MECOM: variants seen among roughly 807,000 people sequenced by gnomAD.
The protein encoded by MECOM is histone-lysine N-methyltransferase MECOM.
MECOM carries 13 observed loss-of-function variants against 116.3 expected under a neutral mutation model. The ratio of observed to expected loss-of-function variants is 0.11; its 90% confidence interval spans 0.07 to 0.18. The LOEUF (loss-of-function observed/expected upper bound fraction) is 0.18, where lower values mean the gene tolerates loss of function less well. Among genes scored for constraint, MECOM ranks in the 10% least tolerant of loss-of-function variants. The pLI is 1.00. For missense variants in MECOM, 1,299 were observed against 1,509.0 expected, an observed-to-expected ratio of 0.86 and a Z score of 2.31; for synonymous variants, 528 against 535.2, an observed-to-expected ratio of 0.99 and a Z score of 0.19.
chr3:169,481,195 A>G (rs574586324), intron 1 of MECOM, among the ~76,000 whole-genome samples: 33 of 152,358 alleles, frequency 2.2e-4, no homozygotes, highest in Non-Finnish European at 4.0e-4. Flanking sequence ...GGTCATGGAC[A>G]TTAGCCAATT....
chr3:169,659,072 CAAAAAAAAAA>C (rs199570807), intron 1 of MECOM, among the ~76,000 whole-genome samples: 23 of 83,558 alleles, frequency 2.8e-4, no homozygotes, highest in Admixed American at 2.7e-4. Flanking sequence ...CCTTCAACTC[CAAAAAAAAAA>C]AAAAAAAAAG....
intron 2 of MECOM, among the ~76,000 whole-genome samples, chr3:169,151,430 C>T (rs529507952): frequency 6.6e-6 from 1 of 152,218 alleles, no homozygotes; most frequent in East Asian, 1.9e-4. Context: ...TCCCTTAATT[C>T]TGCAGCTTTG....
rs1560317735 is a variant in MECOM, at chr3:169,472,515, AAGGAAAGAAAAG to A, written c.38-91003_38-90992del. On this transcript the variant is annotated intron_variant, in intron 1 of 16. Transcript: ENST00000651503. ...AAGGAAAGGAAAGGAAAGGAAAGGA[AAGGAAAGAAAAG>A]AAAAGAAAAGGAAAGGAAAGGAAAA... 7.1e-3 allele frequency among the ~76,000 whole-genome samples: 664 copies of A among 93,322 alleles called. 20 individuals are homozygous for A. Among genetic ancestry groups the A allele is most frequent in the South Asian group, 0.039 (113 of 2,876 alleles). The allele number at this position is 93,322 out of a possible 152,430, so 61.2% of individuals were successfully genotyped here. A position where few individuals can be genotyped will look rare whatever the true frequency, so the allele number is the denominator to read the frequency against.
chr3:169,501,280 G>A (rs1161596484), intron 1 of MECOM, among the ~76,000 whole-genome samples: 3 of 151,896 alleles, frequency 2.0e-5, no homozygotes, highest in African/African-American at 7.2e-5. Flanking sequence ...AACACTAACA[G>A]ACATCCCATT....
chr3:169,277,740 C>G (rs1023764393), intron 2 of MECOM, among the ~76,000 whole-genome samples: 1 of 152,202 alleles, frequency 6.6e-6, no homozygotes, highest in Non-Finnish European at 1.5e-5. Context: ...TCTTGGTTCA[C>G]TGTTCTCACA....
At position 169,277,072 on chromosome 3, in the gene MECOM, C is replaced by T. The variant is rs545840772; in HGVS notation, c.375+104115G>A. Among the ~76,000 whole-genome samples, 6 of 152,166 alleles carry T rather than the reference C, an allele frequency of 3.9e-5. No individual in the cohort carries two copies. In the South Asian group the frequency reaches 1.0e-3, roughly 26 times the overall value. ...ATTTTCTAGGAGTACCAGGATTTCA[C>T]TCCATGAGGCTACTTCCCCTCTTTT... is the stretch of plus-strand genomic sequence containing the variant. On this transcript the variant is annotated intron_variant, in intron 2 of 16. Transcript: ENST00000651503.
chr3:169,603,995 T>C, intron 1 of MECOM, among the ~76,000 whole-genome samples: 1 of 152,186 alleles, frequency 6.6e-6, no homozygotes, highest in East Asian at 1.9e-4. Flanking sequence ...TTAGGAGCCC[T>C]GGATTCTTTA....
At chr3:169,265,858 G>A (rs1758223053) in intron 2 of MECOM, among the ~76,000 whole-genome samples, 1 of 152,192 alleles carries the variant, frequency 6.6e-6, no homozygotes, top group African/African-American at 2.4e-5. Context: ...GTGGTAGTCA[G>A]TGGACAAGGA....
intron 2 of MECOM, among the ~76,000 whole-genome samples, chr3:169,290,406 T>A (rs9848313): frequency 6.6e-6 from 1 of 152,054 alleles, no homozygotes; most frequent in East Asian, 1.9e-4. Flanking sequence ...AAATATTTCA[T>A]GAATTGCTCT....
At chr3:169,409,387 G>A (rs937419397) in intron 1 of MECOM, among the ~76,000 whole-genome samples, 1 of 152,154 alleles carries the variant, frequency 6.6e-6, no homozygotes, top group Non-Finnish European at 1.5e-5. Flanking sequence ...CCAAAGGAGA[G>A]TTACTAGTGT....
chr3:169,523,255 G>A (rs1003836432), intron 1 of MECOM, among the ~76,000 whole-genome samples: 9 of 152,112 alleles, frequency 5.9e-5, no homozygotes, highest in African/African-American at 2.2e-4. Flanking sequence ...AAGGGTCTTG[G>A]GAAGTGCCTC....
chr3:169,274,796 T>A (rs1163052181), intron 2 of MECOM, among the ~76,000 whole-genome samples: 2 of 152,216 alleles, frequency 1.3e-5, no homozygotes, highest in Admixed American at 1.3e-4. Flanking sequence ...ACTACCACAT[T>A]GAACAGTGCA....
At chr3:169,385,849 A>G (rs1036212613) in intron 1 of MECOM, among the ~76,000 whole-genome samples, 2 of 152,186 alleles carry the variant, frequency 1.3e-5, no homozygotes, top group East Asian at 1.9e-4. Flanking sequence ...CACGTTTACA[A>G]TAGGTAAGTA....
intron 1 of MECOM, among the ~76,000 whole-genome samples, chr3:169,445,424 A>G (rs1744453616): frequency 6.6e-6 from 1 of 152,226 alleles, no homozygotes; most frequent in South Asian, 2.1e-4. Flanking sequence ...GGCAGCTTCC[A>G]AGTGGCATTG....
In MECOM at chr3:169,173,086, C is replaced by A. The variant is rs1055707635; in HGVS notation, c.376-29254G>T. Among the ~76,000 whole-genome samples, 8 of 152,126 alleles carry A rather than the reference C, an allele frequency of 5.3e-5. No homozygotes were observed. The East Asian group carries it at 1.2e-3, about 22-fold the overall frequency. ...ATTCATGTAATACCTATTTCTATCA[C>A]CAATAAATGCAATAAAAAATGAGCT... On this transcript the variant is annotated intron_variant, in intron 2 of 16. Transcript: ENST00000651503.
intron 1 of MECOM, among the ~76,000 whole-genome samples, chr3:169,526,594 T>A (rs907028270): frequency 1.3e-5 from 2 of 152,206 alleles, no homozygotes; most frequent in African/African-American, 4.8e-5. Context: ...GAGTAAAGAT[T>A]TTCAAATAAA....
At chr3:169,653,737 C>T (rs1200354449) in intron 1 of MECOM, among the ~76,000 whole-genome samples, 1 of 152,198 alleles carries the variant, frequency 6.6e-6, no homozygotes, top group Non-Finnish European at 1.5e-5. Flanking sequence ...TTAAGGCACT[C>T]TAAATGCATT....
intron 2 of MECOM, among the ~76,000 whole-genome samples, chr3:169,179,970 A>C (rs1030400721): frequency 1.3e-5 from 2 of 152,208 alleles, no homozygotes; most frequent in Non-Finnish European, 2.9e-5. Context: ...GTTCTCTATT[A>C]AAATGACTCA....
chr3:169,409,946 G>A (rs1737279997), intron 1 of MECOM, among the ~76,000 whole-genome samples: 1 of 152,096 alleles, frequency 6.6e-6, no homozygotes, highest in Non-Finnish European at 1.5e-5. Context: ...TGACAAGTGT[G>A]GATATAGACA....
Sources: gnomAD v4.1 joint callset for allele counts (sites outside exome capture counted in the v4.1 genomes callset) on GRCh38, gnomAD v4.1.1 for gene constraint, MANE v1.5 for transcripts, NCBI Gene and HGNC (gene_info 2026-07-23, HGNC 2026-07-21) for gene names.